The following TTC1 variants were observed in gnomAD, a reference collection of about 807,000 sequenced individuals.
The protein encoded by TTC1 is tetratricopeptide repeat protein 1.
In TTC1, 31 loss-of-function variants were observed where a neutral mutation model predicts 37.6. That is an observed-to-expected ratio of 0.82 (90% CI 0.62 to 1.11). The LOEUF is 1.11. Ranked by LOEUF, TTC1 falls within the 50% of genes most tolerant of loss-of-function variation. The probability of loss-of-function intolerance (pLI) is 0.00; values close to 1 mark genes in which losing one functional copy is unlikely to be tolerated. For synonymous variants in TTC1, 127 were observed against 122.4 expected, an observed-to-expected ratio of 1.04 and a Z score of -0.25; for missense variants, 351 against 339.0, an observed-to-expected ratio of 1.04 and a Z score of -0.28.
chr5:160,011,202 T>C (rs1561623265), intron 2 of TTC1, among the ~76,000 whole-genome samples: 1 of 152,262 alleles, frequency 6.6e-6, no homozygotes, highest in Non-Finnish European at 1.5e-5. Context: ...GCTGCTGAGA[T>C]TTCTGTAATG....
chr5:160,036,902 C>T, intron 4 of TTC1, 99 bp downstream of exon 4: 1 of 768,258 alleles, frequency 1.3e-6, no homozygotes, highest in Non-Finnish European at 2.1e-6. Context: ...GTTGCTGCCT[C>T]CCTTTTCCTG....
At chr5:160,040,691 A>C (rs1581104455) in intron 4 of TTC1, among the ~76,000 whole-genome samples, 2 of 151,524 alleles carry the variant, frequency 1.3e-5, no homozygotes, top group Admixed American at 6.6e-5. Flanking sequence ...CGATCCTCCC[A>C]CCTCAGCCTC....
chr5:160,046,454 C>T (rs1581111341), intron 5 of TTC1, among the ~76,000 whole-genome samples: 1 of 152,236 alleles, frequency 6.6e-6, no homozygotes, highest in East Asian at 1.9e-4. Context: ...TTTTGGAAGT[C>T]TCTAGATCTT....
At position 160,010,856 on chromosome 5, in the gene TTC1, C is replaced by G; in HGVS notation, c.328C>G (p.Gln110Glu). 1 of 1,610,796 alleles carries G rather than the reference C, an allele frequency of 6.2e-7. No individual in the cohort carries two copies. The highest frequency in any genetic ancestry group is 8.5e-7 in the Non-Finnish European group (1 of 1,178,082). Residue 110 changes from glutamine to glutamate, a missense_variant and splice_region_variant, in exon 2 of 8, where the codon CAG becomes GAG. Physicochemically the swap from Gln to Glu is conservative, Grantham distance 29 (BLOSUM62 2). Transcript: ENST00000231238. ...LEKNMSDEEK[Q>E]KRREESTRLK... ...AAAAAACATGTCGGATGAAGAGAAA[C>G]AGGTAAGTATTTTATTTATTGTGCA...
At chr5:160,041,801 G>A (rs532967771) in intron 4 of TTC1, among the ~76,000 whole-genome samples, 2 of 152,276 alleles carry the variant, frequency 1.3e-5, no homozygotes, top group South Asian at 2.1e-4. Context: ...TGATTGAAAC[G>A]TCATTGTACA....
intron 7 of TTC1, among the ~76,000 whole-genome samples, chr5:160,059,568 CTTAAAGGTCATTACAGGATTA>C (rs1431260677): frequency 6.6e-6 from 1 of 152,152 alleles, no homozygotes; most frequent in Non-Finnish European, 1.5e-5. Flanking sequence ...TACTTGAACA[CTTAAAGGTCATTACAGGATTA>C]TTAATTGACC....
chr5:160,048,191 G>A (rs1205594916), intron 5 of TTC1, among the ~76,000 whole-genome samples: 2 of 116,146 alleles, frequency 1.7e-5, no homozygotes, highest in Non-Finnish European at 3.2e-5. Flanking sequence ...TCTGTTGCCC[G>A]GGCTGGAGTA....
At chr5:160,012,837 C>T (rs1356200941) in intron 2 of TTC1, among the ~76,000 whole-genome samples, 1 of 152,286 alleles carries the variant, frequency 6.6e-6, no homozygotes. Flanking sequence ...GCATAGTTCA[C>T]GTTTCTATCA....
intron 2 of TTC1, among the ~76,000 whole-genome samples, chr5:160,026,525 A>G (rs1221980030): frequency 6.6e-6 from 1 of 152,170 alleles, no homozygotes; most frequent in East Asian, 1.9e-4. Flanking sequence ...TATTTTCCCA[A>G]TTTGTTGACC....
Position 160,012,368 on chromosome 5 carries a change from AT to A in TTC1, c.330+1524del, listed in dbSNP as rs540919125. Among the ~76,000 whole-genome samples, 1,301 of 144,386 alleles carry A rather than the reference AT, an allele frequency of 9.0e-3. 8 individuals are homozygous for A. The highest frequency in any genetic ancestry group is 0.021 in the African/African-American group (844 of 39,682). 94.7% of individuals were successfully genotyped at this position (144,386 alleles called of 152,430 possible). On this transcript the variant is annotated intron_variant, in intron 2 of 7. Coordinates refer to ENST00000231238, the MANE Select transcript of TTC1 (RefSeq NM_003314.3). ...TTTAAGTTCTATAAATACTTTTATG[AT>A]TTTTTTTTTTTTTAAGACAGGATCT...
chr5:160,037,153 A>G (rs1445106831), intron 4 of TTC1, among the ~76,000 whole-genome samples: 2 of 152,198 alleles, frequency 1.3e-5, no homozygotes, highest in African/African-American at 2.4e-5. Flanking sequence ...TAAACATGCA[A>G]AGGCACAGGG....
chr5:160,019,413 G>T (rs1756662530), intron 2 of TTC1, among the ~76,000 whole-genome samples: 1 of 151,920 alleles, frequency 6.6e-6, no homozygotes. Context: ...CCACCCTATT[G>T]CACCATTTTC....
intron 2 of TTC1, among the ~76,000 whole-genome samples, chr5:160,031,790 C>T (rs916212903): frequency 6.6e-6 from 1 of 151,968 alleles, no homozygotes; most frequent in African/African-American, 2.4e-5. Context: ...CTGCTTGAGC[C>T]CAGGAGTTCA....
chr5:160,042,739 G>A lies in TTC1; in HGVS notation c.505-394G>A, dbSNP rs1487470018. Among the ~76,000 whole-genome samples the A allele has an allele frequency of 2.0e-5, 3 of 152,156 alleles. No individual in the cohort carries two copies. In the East Asian group the frequency reaches 5.8e-4, roughly 29 times the overall value. On this transcript the variant is annotated intron_variant, in intron 4 of 7. Transcript: ENST00000231238. ...ATACTTTCTGAAATATACCACTTTG[G>A]GGTATGATAGTATAACCACTAGCCA...
At chr5:160,013,998 C>T (rs1462766269) in intron 2 of TTC1, among the ~76,000 whole-genome samples, 2 of 152,136 alleles carry the variant, frequency 1.3e-5, no homozygotes. Flanking sequence ...CTGCTGACTA[C>T]ATCAGGCTAT....
intron 2 of TTC1, among the ~76,000 whole-genome samples, chr5:160,015,220 T>C (rs1039262916): frequency 2.6e-5 from 4 of 152,140 alleles, no homozygotes; most frequent in Non-Finnish European, 4.4e-5. Flanking sequence ...TTTTTCTTCT[T>C]GTGTTTTGAG....
At chr5:160,030,205 A>G (rs190575550) in intron 2 of TTC1, among the ~76,000 whole-genome samples, 17 of 152,330 alleles carry the variant, frequency 1.1e-4, no homozygotes, top group Admixed American at 5.2e-4. Flanking sequence ...AACTACAGAA[A>G]ATTTGGTGTT....
chr5:160,045,232 G>A (rs933974037), intron 5 of TTC1, among the ~76,000 whole-genome samples: 2 of 152,116 alleles, frequency 1.3e-5, no homozygotes, highest in Non-Finnish European at 2.9e-5. Flanking sequence ...TTTACTTCCA[G>A]CTGCAGCCCG....
chr5:160,042,678 C>T lies in TTC1; in HGVS notation c.505-455C>T, dbSNP rs192620106. ...AAGGTTTATAACTGAGACTACATGA[C>T]AAGCCACACTGTGTGTCTGTAGGTG... On this transcript the variant is annotated intron_variant, in intron 4 of 7. Transcript: ENST00000231238. Among the ~76,000 whole-genome samples the T allele has an allele frequency of 2.3e-4, 35 of 152,260 alleles. 1 individual carries two copies. In the East Asian group the frequency reaches 6.6e-3, roughly 29 times the overall value.
Sources: gnomAD v4.1 joint callset for allele counts (sites outside exome capture counted in the v4.1 genomes callset) on GRCh38, gnomAD v4.1.1 for gene constraint, MANE v1.5 for transcripts, NCBI Gene and HGNC (gene_info 2026-07-23, HGNC 2026-07-21) for gene names.